Variants in RAB11A observed in about 807,000 individuals in gnomAD.
RAB11A encodes ras-related protein Rab-11A.
A neutral mutation model predicts 28.0 loss-of-function variants in RAB11A; 9 were observed. The ratio of observed to expected loss-of-function variants is 0.32; its 90% CI spans 0.19 to 0.56. The LOEUF (loss-of-function observed/expected upper bound fraction) is 0.56, where lower values mean the gene tolerates loss of function less well. Ranked by LOEUF, RAB11A falls within the 20% of genes least tolerant of loss-of-function variation. RAB11A has a pLI of 0.91. For missense variants in RAB11A, 108 were observed against 269.6 expected (o/e 0.40, Z 4.20); for synonymous variants, 85 against 88.2 (o/e 0.96, Z 0.20).
chr15:65,872,946 A>C (rs1236448417), intron 1 of RAB11A, among the ~76,000 whole-genome samples: 1 of 152,198 alleles, frequency 6.6e-6, no homozygotes, highest in East Asian at 1.9e-4. Flanking sequence ...AGGTTTACCT[A>C]GCAAATGCAA....
chr15:65,887,015 C>A (rs2078259767), intron 4 of RAB11A, among the ~76,000 whole-genome samples: 1 of 152,074 alleles, frequency 6.6e-6, no homozygotes, highest in African/African-American at 2.4e-5. Context: ...CCGAATGCGT[C>A]TGATAGTGCA....
chr15:65,881,445 C>T (rs2078222033), intron 4 of RAB11A, among the ~76,000 whole-genome samples: 1 of 152,124 alleles, frequency 6.6e-6, no homozygotes, highest in African/African-American at 2.4e-5. Context: ...ATTAAATTAC[C>T]TTAAAGATGT....
chr15:65,876,161 C>T (rs1456331469), intron 1 of RAB11A, among the ~76,000 whole-genome samples: 1 of 152,068 alleles, frequency 6.6e-6, no homozygotes, highest in Non-Finnish European at 1.5e-5. Flanking sequence ...GAAAAAGAAT[C>T]TCCATGTATC....
chr15:65,873,445 A>G lies in RAB11A; in HGVS notation c.40+3820A>G, dbSNP rs148612514. Among the ~76,000 whole-genome samples the G allele has an allele frequency of 2.3e-3, 353 of 152,346 alleles. 3 individuals carry two copies. Among genetic ancestry groups the G allele is most frequent in the African/African-American group, 7.9e-3 (328 of 41,576 alleles). The stretch of plus-strand genomic sequence containing the variant: ...GAACTTTGCTGTCTTGCATCTTGGT[A>G]GTAGTTTTTCTTTCACAAGTTTTGG... On this transcript the variant is annotated intron_variant, in intron 1 of 4. Transcript: ENST00000261890.
At chr15:65,874,537 G>A (rs1179774606) in intron 1 of RAB11A, among the ~76,000 whole-genome samples, 1 of 151,688 alleles carries the variant, frequency 6.6e-6, no homozygotes, top group South Asian at 2.1e-4. Context: ...CACCACGCCC[G>A]GCCTAGTTGA....
chr15:65,869,649 C>G, intron 1 of RAB11A, 24 bp downstream of exon 1: 1 of 1,604,284 alleles, frequency 6.2e-7, no homozygotes, highest in Non-Finnish European at 8.5e-7. Flanking sequence ...CTCTCGCACT[C>G]TACACAGTCC....
At chr15:65,878,034 A>G (rs1449727860) in intron 3 of RAB11A, 79 bp downstream of exon 3, 18 of 1,323,704 alleles carry the variant, frequency 1.4e-5, no homozygotes, top group Non-Finnish European at 1.9e-5. Flanking sequence ...GTAATAGGTT[A>G]TAATAGTTTC....
chr15:65,870,817 A>G (rs1451693165), intron 1 of RAB11A, among the ~76,000 whole-genome samples: 3 of 152,112 alleles, frequency 2.0e-5, no homozygotes, highest in African/African-American at 7.2e-5. Context: ...TTGGAGGGTC[A>G]GGGTTGGTTA....
intron 4 of RAB11A, 75 bp from the exon 5 acceptor site, chr15:65,887,626 T>A: frequency 2.9e-6 from 4 of 1,388,474 alleles, no homozygotes; most frequent in Non-Finnish European, 3.9e-6. Flanking sequence ...ATATATCTCC[T>A]ACCTTTATGT....
chr15:65,875,610 T>C (rs1348421570), intron 1 of RAB11A, among the ~76,000 whole-genome samples: 1 of 152,262 alleles, frequency 6.6e-6, no homozygotes, highest in African/African-American at 2.4e-5. Context: ...ATAACCATTC[T>C]TTGTGCTGCA....
Position 65,877,307 on chromosome 15 carries a change from G to T in RAB11A, c.41-25G>T. On this transcript the variant is annotated intron_variant, in intron 1 of 4. Coordinates refer to ENST00000261890, the MANE Select transcript of RAB11A (RefSeq NM_004663.5). This position sits in a 1 kb window ranked among gnomAD's most constrained non-coding sequence, Gnocchi z 4.1. ...CTGAATATGTTTGCCTCATTCATCTGACATTGAATTCTTTGTCTTTCCAGT... is the reference window on the plus strand; with the variant it reads ...CTGAATATGTTTGCCTCATTCATCTTACATTGAATTCTTTGTCTTTCCAGT... 2 of 1,573,140 alleles carry T rather than the reference G, an allele frequency of 1.3e-6. No individual in the cohort carries two copies. Among genetic ancestry groups the T allele is most frequent in the South Asian group, 2.3e-5 (2 of 87,896 alleles).
At chr15:65,882,328 G>T (rs889450238) in intron 4 of RAB11A, among the ~76,000 whole-genome samples, 4 of 152,214 alleles carry the variant, frequency 2.6e-5, no homozygotes, top group African/African-American at 9.6e-5. Context: ...TATGCCAGTG[G>T]AAGTGTGAAT....
intron 3 of RAB11A, among the ~76,000 whole-genome samples, chr15:65,878,436 C>T (rs563747457): frequency 2.7e-4 from 41 of 152,330 alleles, no homozygotes; most frequent in African/African-American, 8.9e-4. Context: ...GTAATCCCAG[C>T]ACTTTGGGAG....
In RAB11A at chr15:65,874,108, G is replaced by A. The variant is rs151172778; in HGVS notation, c.41-3224G>A. ...GTATAAAACTAAATGTGGTTGAAGA[G>A]GCAGAAATTTTCAATGGATAATTAA... On this transcript the variant is annotated intron_variant, in intron 1 of 4. Coordinates refer to ENST00000261890, the MANE Select transcript of RAB11A (RefSeq NM_004663.5). Among the ~76,000 whole-genome samples, 138 of 152,216 alleles carry A rather than the reference G, an allele frequency of 9.1e-4. 1 individual carries two copies. In the East Asian group the frequency reaches 0.021, roughly 23 times the overall value.
chr15:65,872,207 G>C (rs1007652468), intron 1 of RAB11A, among the ~76,000 whole-genome samples: 1 of 151,884 alleles, frequency 6.6e-6, no homozygotes, highest in Non-Finnish European at 1.5e-5. Context: ...ACCTTCCTCA[G>C]CCTCCCCAAG....
At chr15:65,871,180 C>G (rs1205378886) in intron 1 of RAB11A, among the ~76,000 whole-genome samples, 1 of 152,204 alleles carries the variant, frequency 6.6e-6, no homozygotes, top group African/African-American at 2.4e-5. Context: ...TTTCCCAATA[C>G]TTTGCAAATC....
intron 1 of RAB11A, among the ~76,000 whole-genome samples, chr15:65,870,636 T>C (rs1166997978): frequency 6.6e-6 from 1 of 152,204 alleles, no homozygotes; most frequent in African/African-American, 2.4e-5. Context: ...CTCTATGAAC[T>C]GGTTGCTTCC....
intron 4 of RAB11A, among the ~76,000 whole-genome samples, chr15:65,885,473 A>T (rs2078250663): frequency 6.6e-6 from 1 of 152,178 alleles, no homozygotes; most frequent in Admixed American, 6.5e-5. Flanking sequence ...TTTCTTCAGT[A>T]TACTAATAAT....
chr15:65,870,699 A>G (rs2078155027), intron 1 of RAB11A, among the ~76,000 whole-genome samples: 1 of 152,200 alleles, frequency 6.6e-6, no homozygotes, highest in African/African-American at 2.4e-5. Context: ...AGTTAGCCAC[A>G]TACCTTTCCC....
Sources: allele counts gnomAD v4.1 joint callset (sites outside exome capture counted in the v4.1 genomes callset), GRCh38; gene constraint gnomAD v4.1.1; non-coding constraint Gnocchi (gnomAD v3.1); transcripts MANE v1.5; gene names NCBI Gene and HGNC (gene_info 2026-07-23, HGNC 2026-07-21).